ANKHD1: variants seen among roughly 807,000 people sequenced by gnomAD.
The protein encoded by ANKHD1 is ankyrin repeat and KH domain containing 1.
ANKHD1 carries 31 observed loss-of-function variants against 230.5 expected under a neutral mutation model. That is an observed-to-expected ratio of 0.13 (90% confidence interval 0.10 to 0.18). The LOEUF (loss-of-function observed/expected upper bound fraction) is 0.18. Ranked by LOEUF, ANKHD1 falls within the 10% of genes least tolerant of loss-of-function variation. ANKHD1 has a pLI of 1.00. For synonymous variants in ANKHD1, 1,074 were observed against 1,117.6 expected, an observed-to-expected ratio of 0.96 and a Z score of 0.78; for missense variants, 2,256 against 3,071.3, an observed-to-expected ratio of 0.73 and a Z score of 6.27.
At chr5:140,458,525 T>C in intron 7 of ANKHD1, 100 bp from the exon 8 acceptor site, 1 of 1,265,160 alleles carries the variant, frequency 7.9e-7, no homozygotes, top group Non-Finnish European at 1.1e-6. Flanking sequence ...CTTGTCTTTT[T>C]TCTTCCTTTT....
intron 24 of ANKHD1, among the ~76,000 whole-genome samples, chr5:140,520,420 T>C (rs1452075485): frequency 5.3e-5 from 8 of 152,080 alleles, no homozygotes; most frequent in East Asian, 1.9e-4. Flanking sequence ...CCAGCCATCC[T>C]ATTACTGGGT....
At chr5:140,457,972 T>C (rs1480360230) in intron 7 of ANKHD1, among the ~76,000 whole-genome samples, 1 of 152,196 alleles carries the variant, frequency 6.6e-6, no homozygotes, top group African/African-American at 2.4e-5. Context: ...TGACTTACTG[T>C]CTATGCAGAT....
At chr5:140,533,770 T>G (rs1310974391) in intron 29 of ANKHD1, among the ~76,000 whole-genome samples, 4 of 118,924 alleles carry the variant, frequency 3.4e-5, no homozygotes, top group Non-Finnish European at 3.3e-5. Context: ...AGCAAGACCC[T>G]GTCTCAAAAA....
intron 10 of ANKHD1, among the ~76,000 whole-genome samples, chr5:140,466,188 T>TA (rs1389414181): frequency 6.6e-6 from 1 of 152,074 alleles, no homozygotes; most frequent in Non-Finnish European, 1.5e-5. Context: ...GGTCAGGTGT[T>TA]AAAGACCAGC....
chr5:140,474,517 A>C (rs1375263476), intron 10 of ANKHD1, among the ~76,000 whole-genome samples: 1 of 151,678 alleles, frequency 6.6e-6, no homozygotes, highest in East Asian at 1.9e-4. Context: ...TTAAAATAAA[A>C]TTTTGTTATC....
At chr5:140,536,114 T>TA (rs1263336028) in intron 30 of ANKHD1, among the ~76,000 whole-genome samples, 1 of 152,020 alleles carries the variant, frequency 6.6e-6, no homozygotes, top group Non-Finnish European at 1.5e-5. Flanking sequence ...TTGATTGAGA[T>TA]AGAGTGTCTC....
chr5:140,510,158 C>G lies in ANKHD1; in HGVS notation c.4081C>G (p.Pro1361Ala). ...VDAADNRKITPLMSAFRKGHV... is the reference protein window; with the variant it reads ...VDAADNRKITALMSAFRKGHV... Reference sequence around the variant, plus strand: ...TGCAGCAGATAACCGGAAAATCACACCTCTTATGTCAGCATTTCGCAAGGT... The same window carrying G: ...TGCAGCAGATAACCGGAAAATCACAGCTCTTATGTCAGCATTTCGCAAGGT... The change falls in exon 22 of 34, where the codon CCT becomes GCT. Residue 1361 changes from proline to alanine, a missense_variant. Physicochemically the swap from Pro to Ala is conservative, Grantham distance 27 (BLOSUM62 -1). Coordinates refer to ENST00000360839, the MANE Select transcript of ANKHD1 (RefSeq NM_017747.3). 7 of 1,607,644 alleles carry G rather than the reference C, an allele frequency of 4.4e-6. No individual in the cohort carries two copies. Among genetic ancestry groups the G allele is most frequent in the Non-Finnish European group, 6.0e-6 (7 of 1,176,266 alleles).
chr5:140,435,960 C>T (rs1017419400), intron 1 of ANKHD1, 144 bp from the exon 2 acceptor site: 2 of 1,095,396 alleles, frequency 1.8e-6, no homozygotes, highest in Admixed American at 7.4e-5. Context: ...CCTTCAAAGT[C>T]CATTCCCATA....
intron 14 of ANKHD1, among the ~76,000 whole-genome samples, chr5:140,494,306 T>C (rs1205260311): frequency 2.0e-5 from 3 of 152,320 alleles, no homozygotes; most frequent in African/African-American, 7.2e-5. Flanking sequence ...TAATTGCTTT[T>C]GCTCTGAAAG....
chr5:140,455,605 G>A (rs527654908), intron 7 of ANKHD1, among the ~76,000 whole-genome samples: 4 of 152,130 alleles, frequency 2.6e-5, no homozygotes, highest in Non-Finnish European at 5.9e-5. Context: ...CAGAACCAAA[G>A]ACAAAAACCA....
At chr5:140,420,643 C>T (rs772078610) in intron 1 of ANKHD1, among the ~76,000 whole-genome samples, 1 of 152,162 alleles carries the variant, frequency 6.6e-6, no homozygotes, top group Non-Finnish European at 1.5e-5. Flanking sequence ...CAGTTGACTA[C>T]GTGTGAGGGT....
At chr5:140,462,490 C>T (rs745990592) in intron 9 of ANKHD1, among the ~76,000 whole-genome samples, 10 of 151,414 alleles carry the variant, frequency 6.6e-5, no homozygotes, top group African/African-American at 9.7e-5. Context: ...TTTGGGATGC[C>T]GAGGTGGGCG....
chr5:140,513,530 C>T (rs757096593), intron 24 of ANKHD1, 51 bp downstream of exon 24: 40 of 1,570,224 alleles, frequency 2.5e-5, no homozygotes, highest in African/African-American at 5.4e-5. Context: ...GGGTGGGGGC[C>T]GGGCACGGTG....
At position 140,529,472 on chromosome 5, in the gene ANKHD1, G is replaced by T. The variant is rs769980226; in HGVS notation, c.6526G>T (p.Ala2176Ser). 5.5e-5 allele frequency: 88 copies of T among 1,614,092 alleles called. No individual in the cohort carries two copies. Among genetic ancestry groups the T allele is most frequent in the Non-Finnish European group, 7.2e-5 (85 of 1,180,042 alleles). The change falls in exon 29 of 34, where the codon GCA (alanine) becomes TCA (serine). Residue 2176 changes from alanine (A) to serine (S), a missense_variant. This residue lies in a region of ANKHD1 where 778 missense variants were observed against 966.5 expected (regional missense o/e 0.80). Transcript: ENST00000360839. Reference protein sequence around the residue: ...TLTPPQGPPAAVQLSSAVNIM... With the variant: ...TLTPPQGPPASVQLSSAVNIM... ...AACACCACCTCAAGGCCCACCAGCT[G>T]CAGTGCAGCTTTCTTCAGCTGTGAA...
rs1160390918 is a variant in ANKHD1 at position 140,504,927 on chromosome 5, G to C, written c.3111G>C (p.Ser1037=). 1.2e-6 allele frequency: 2 copies of C among 1,614,006 alleles called. No homozygotes were observed. The highest frequency in any genetic ancestry group is 8.5e-7 in the Non-Finnish European group (1 of 1,180,044). The change falls in exon 16 of 34, where the codon TCG becomes TCC. Residue 1037 remains serine (S), a synonymous_variant. Transcript: ENST00000360839. ...SQTTSNVASQ[S]MPPVYPSVDI... ...CTACAAGCAATGTGGCTTCCCAATC[G>C]ATGCCTCCTGTGTATCCTTCAGTTG...
chr5:140,536,752 G>C (rs1259693516), intron 30 of ANKHD1, among the ~76,000 whole-genome samples: 1 of 152,162 alleles, frequency 6.6e-6, no homozygotes. Flanking sequence ...GGCTGGGCGT[G>C]GTGGCTCACG....
chr5:140,426,185 G>A (rs1252582965), intron 1 of ANKHD1, among the ~76,000 whole-genome samples: 2 of 152,116 alleles, frequency 1.3e-5, no homozygotes, highest in Admixed American at 6.5e-5. Flanking sequence ...GCTGGAGTAC[G>A]GTGGCATGAT....
At chr5:140,447,682 T>C (rs1327691234) in intron 6 of ANKHD1, among the ~76,000 whole-genome samples, 1 of 152,198 alleles carries the variant, frequency 6.6e-6, no homozygotes, top group Non-Finnish European at 1.5e-5. Flanking sequence ...CATCAAGAGC[T>C]CATAATTCTA....
Position 140,402,198 on chromosome 5 carries a change from C to A in ANKHD1, c.231C>A (p.Phe77Leu). 1 of 1,525,094 alleles carries A rather than the reference C, an allele frequency of 6.6e-7. No homozygotes were observed. Among genetic ancestry groups the A allele is most frequent in the Non-Finnish European group, 8.8e-7 (1 of 1,140,956 alleles). The allele number at this position is 1,525,094 out of a possible 1,614,324, so 94.5% of individuals were successfully genotyped here. A position where few individuals can be genotyped will look rare whatever the true frequency, so the allele number is the denominator to read the frequency against. ...GCGGAGGGGACGCGGCGCTGGATTT[C>A]AAGTTGGCGGCTGCCGTGCTGAGGA... ...GTGGGDAALD[F>L]KLAAAVLRTG... Residue 77 changes from phenylalanine (F) to leucine (L), a missense_variant, in exon 1 of 34, where the codon TTC (phenylalanine) becomes TTA (leucine). Transcript: ENST00000360839.
Sources: allele counts gnomAD v4.1 joint callset (sites outside exome capture counted in the v4.1 genomes callset), GRCh38; gene constraint gnomAD v4.1.1; regional missense constraint gnomAD v4.1.1; transcripts MANE v1.5; gene names NCBI Gene and HGNC (gene_info 2026-07-23, HGNC 2026-07-21).